Variants in COL5A2 observed in about 807,000 individuals in gnomAD.
COL5A2 encodes collagen type V alpha 2 chain.
A neutral mutation model predicts 208.2 loss-of-function variants in COL5A2; 23 were observed. The ratio of observed to expected loss-of-function variants is 0.11; its 90% CI spans 0.08 to 0.16. COL5A2 has a LOEUF of 0.16. COL5A2 is among the 10% of genes least tolerant of loss of function. The pLI, the probability that COL5A2 is intolerant of heterozygous loss-of-function variation, is 1.00. For missense variants in COL5A2, 1,590 were observed against 1,956.4 expected, an observed-to-expected ratio of 0.81 and a Z score of 3.53; for synonymous variants, 625 against 628.5, an observed-to-expected ratio of 0.99 and a Z score of 0.08.
chr2:189,377,947 G>A, the COL5A2 span, among the ~76,000 whole-genome samples: 2 of 152,178 alleles, frequency 1.3e-5, no homozygotes, highest in Admixed American at 6.5e-5. Flanking sequence ...GGTCACAGCT[G>A]ACCCGTTTTT....
intron 2 of COL5A2, among the ~76,000 whole-genome samples, chr2:189,108,358 G>C (rs1418338838): frequency 6.6e-6 from 1 of 151,760 alleles, no homozygotes; most frequent in African/African-American, 2.4e-5. Flanking sequence ...TTTTATATTT[G>C]AAGGAGAGAA....
chr2:189,213,916 A>T (rs978372615), intron 1 of COL5A2, among the ~76,000 whole-genome samples: 29 of 152,214 alleles, frequency 1.9e-4, no homozygotes, highest in Non-Finnish European at 4.3e-4. Flanking sequence ...GGGTATAGTG[A>T]CAAGGCTATT....
intron 5 of COL5A2, chr2:189,097,790 T>C (rs928068008): frequency 3.1e-5 from 13 of 424,858 alleles, no homozygotes; most frequent in African/African-American, 2.7e-4. Flanking sequence ...AAAATGTTCA[T>C]CACTGTTCAA....
chr2:189,187,823 G>T (rs907402140), intron 1 of COL5A2, among the ~76,000 whole-genome samples: 1 of 151,990 alleles, frequency 6.6e-6, no homozygotes, highest in African/African-American at 2.4e-5. Flanking sequence ...CAAAAAATTA[G>T]CCAGGCGTGG....
At chr2:189,171,262 C>T (rs1334222548) in intron 1 of COL5A2, among the ~76,000 whole-genome samples, 1 of 152,040 alleles carries the variant, frequency 6.6e-6, no homozygotes. Context: ...GAAGCTTGAA[C>T]CTTATTCTTT....
chr2:189,188,319 G>A (rs1688880857), intron 1 of COL5A2, among the ~76,000 whole-genome samples: 1 of 152,010 alleles, frequency 6.6e-6, no homozygotes, highest in East Asian at 1.9e-4. Flanking sequence ...TTTCTACAAT[G>A]TTAGAAAGGC....
At chr2:189,361,016 C>T in the COL5A2 span, among the ~76,000 whole-genome samples, 8 of 150,808 alleles carry the variant, frequency 5.3e-5, no homozygotes, top group East Asian at 9.7e-4. Flanking sequence ...TGTGACATGC[C>T]GTGTGGTCTG....
At chr2:189,269,151 A>T in the COL5A2 span, among the ~76,000 whole-genome samples, 1 of 152,156 alleles carries the variant, frequency 6.6e-6, no homozygotes, top group Non-Finnish European at 1.5e-5. Flanking sequence ...TAGAAAACAG[A>T]GGGTTATTTT....
the COL5A2 span, among the ~76,000 whole-genome samples, chr2:189,287,338 T>C: frequency 6.6e-6 from 1 of 152,034 alleles, no homozygotes; most frequent in Admixed American, 6.6e-5. Flanking sequence ...AAAAATGTTA[T>C]TTGCTTTCCA....
chr2:189,071,969 T>C (rs755326540), intron 18 of COL5A2, 71 bp downstream of exon 18: 50 of 1,024,914 alleles, frequency 4.9e-5, no homozygotes, highest in Non-Finnish European at 6.6e-5. Context: ...ATTAATTAAA[T>C]GTCATTCTTC....
chr2:189,335,605 A>G, the COL5A2 span, among the ~76,000 whole-genome samples: 2 of 152,156 alleles, frequency 1.3e-5, no homozygotes, highest in African/African-American at 2.4e-5. Flanking sequence ...ATATCCATAC[A>G]GTGAAATATT....
rs1687232148 is a variant in COL5A2, at chr2:189,110,226, A to C, written c.321T>G (p.Phe107Leu). 6.2e-7 allele frequency: 1 copy of C among 1,610,558 alleles called. No individual in the cohort carries two copies. The highest frequency in any genetic ancestry group is 8.5e-7 in the Non-Finnish European group (1 of 1,177,022). The change falls in exon 2 of 54, where the codon TTT (phenylalanine) becomes TTG (leucine). Residue 107 changes from phenylalanine (F) to leucine (L), a missense_variant and splice_region_variant. Phe to Leu is a conservative substitution (Grantham distance 22). Transcript: ENST00000374866. ...SQTPGGGNTN[F>L]GRGRKGQKGE... ...TGAGTTGGCCCTAAACATTCTTACC[A>C]AAATTGGTATTGCCACCTCCAGGTG...
Position 189,072,170 on chromosome 2 carries a change from G to T in COL5A2, c.1105-77C>A, listed in dbSNP as rs80131484. The T allele has an allele frequency of 4.9e-3, 5,044 of 1,022,006 alleles. 37 individuals carry two copies. Among genetic ancestry groups the T allele is most frequent in the South Asian group, 0.016 (1,169 of 72,772 alleles). 63.3% of individuals were successfully genotyped at this position (1,022,006 alleles called of 1,614,324 possible). A position where few individuals can be genotyped will look rare whatever the true frequency, so the allele number is the denominator to read the frequency against. ...ATTAGGTCATTTTTTAGAGTTTGGC[G>T]TCATTTTGTATTAGACACATAAGAA... is the stretch of plus-strand genomic sequence containing the variant. On this transcript the variant is annotated intron_variant, in intron 17 of 53. Coordinates refer to ENST00000374866, the MANE Select transcript of COL5A2 (RefSeq NM_000393.5).
chr2:189,063,343 C>G, intron 26 of COL5A2, 73 bp from the exon 27 acceptor site: 1 of 1,180,132 alleles, frequency 8.5e-7, no homozygotes, highest in Non-Finnish European at 1.3e-6. Context: ...AAAGTGTCAC[C>G]TTTGCTTACT....
the COL5A2 span, among the ~76,000 whole-genome samples, chr2:189,323,904 C>T: frequency 6.6e-6 from 1 of 152,194 alleles, no homozygotes. Context: ...AGGCATCACG[C>T]TACCTGACTT....
chr2:189,256,810 A>G, the COL5A2 span, among the ~76,000 whole-genome samples: 1 of 152,090 alleles, frequency 6.6e-6, no homozygotes, highest in Non-Finnish European at 1.5e-5. Flanking sequence ...TTGTATTTTT[A>G]GTAGAGACAG....
At chr2:189,086,903 T>C in intron 8 of COL5A2, 133 bp from the exon 9 acceptor site, 1 of 743,088 alleles carries the variant, frequency 1.3e-6, no homozygotes, top group South Asian at 1.6e-5. Context: ...ATTCTCCATC[T>C]GTACTCATTT....
At position 189,197,854 on chromosome 2, in the gene COL5A2, G is replaced by GTT. The variant is rs5837131; in HGVS notation, c.-42+27292_-42+27293dup. On this transcript the variant is annotated intron_variant, in intron 1 of 10. Coordinates refer to the COL5A2 transcript ENST00000649966. ...TGGCAAAAGTTTCTCATAGGCTCTTGTTTTTTTTTTTTTGAGATGGAGTCT... is the reference window on the plus strand; with the variant it reads ...TGGCAAAAGTTTCTCATAGGCTCTTGTTTTTTTTTTTTTTTGAGATGGAGTCT... Among the ~76,000 whole-genome samples, 198 of 140,778 alleles carry GTT rather than the reference G, an allele frequency of 1.4e-3. 1 individual carries two copies. The highest frequency in any genetic ancestry group is 3.9e-3 in the African/African-American group (150 of 38,786). The allele number at this position is 140,778 out of a possible 152,430, so 92.4% of individuals were successfully genotyped here.
At chr2:189,134,633 A>G (rs1230526476) in intron 1 of COL5A2, among the ~76,000 whole-genome samples, 2 of 152,200 alleles carry the variant, frequency 1.3e-5, no homozygotes, top group Non-Finnish European at 1.5e-5. Flanking sequence ...AGTTTTGCAT[A>G]AAGCAAATTC....
Sources: gnomAD v4.1 joint callset for allele counts (sites outside exome capture counted in the v4.1 genomes callset) on GRCh38, gnomAD v4.1.1 for gene constraint, MANE v1.5 for transcripts, NCBI Gene and HGNC (gene_info 2026-07-23, HGNC 2026-07-21) for gene names.